Variants in JARID2 observed in about 807,000 individuals in gnomAD.
JARID2 encodes protein Jumonji.
Under a neutral mutation model 125.6 loss-of-function variants are expected in JARID2, and 21 were observed. The ratio of observed to expected loss-of-function variants is 0.17; its 90% CI spans 0.12 to 0.24. The LOEUF (loss-of-function observed/expected upper bound fraction) is 0.24. Ranked by LOEUF, JARID2 falls within the 10% of genes least tolerant of loss-of-function variation. The probability of loss-of-function intolerance (pLI) is 1.00; values close to 1 mark genes in which losing one functional copy is unlikely to be tolerated. For missense variants in JARID2, 1,303 were observed against 1,639.6 expected, an observed-to-expected ratio of 0.79 and a Z score of 3.55; for synonymous variants, 736 against 661.6, an observed-to-expected ratio of 1.11 and a Z score of -1.73.
rs969730572 is a variant in JARID2, at chr6:15,520,910, G to A, written c.*659G>A. 1.4e-5 allele frequency: 6 copies of A among 441,766 alleles called. No individual in the cohort carries two copies. The highest frequency in any genetic ancestry group is 2.8e-5 in the Non-Finnish European group (6 of 216,798). The allele number at this position is 441,766 out of a possible 1,614,324, so 27.4% of individuals were successfully genotyped here. A position where few individuals can be genotyped will look rare whatever the true frequency, so the allele number is the denominator to read the frequency against. ...AGCACATCACTATGCATCTGTTCCA[G>A]GAAAGAAGAAAAGCGAGCGAGGAAG... is the stretch of plus-strand genomic sequence containing the variant. On this transcript the variant is annotated 3_prime_UTR_variant, in exon 18 of 18. Coordinates refer to ENST00000341776, the MANE Select transcript of JARID2 (RefSeq NM_004973.4).
At chr6:15,419,519 C>T (rs1349288229) in intron 3 of JARID2, among the ~76,000 whole-genome samples, 1 of 152,118 alleles carries the variant, frequency 6.6e-6, no homozygotes, top group Non-Finnish European at 1.5e-5. Flanking sequence ...ATTAGGTCTG[C>T]TGTTGATCAT....
At chr6:15,449,483 C>A (rs898151220) in intron 3 of JARID2, among the ~76,000 whole-genome samples, 12 of 143,358 alleles carry the variant, frequency 8.4e-5, no homozygotes, top group South Asian at 4.5e-4. Context: ...CTGTCTTTAT[C>A]AAAAAAAAAA....
At chr6:15,407,285 C>A (rs958732518) in intron 2 of JARID2, among the ~76,000 whole-genome samples, 1 of 152,002 alleles carries the variant, frequency 6.6e-6, no homozygotes, top group Non-Finnish European at 1.5e-5. Flanking sequence ...CCCCAAAAAA[C>A]AAGTCCCCAG....
intron 1 of JARID2, among the ~76,000 whole-genome samples, chr6:15,285,395 G>C (rs1165264783): frequency 6.6e-6 from 1 of 152,108 alleles, no homozygotes; most frequent in African/African-American, 2.4e-5. Context: ...AAAGTGCTGG[G>C]ATTACAGGCG....
chr6:15,386,466 C>T (rs1419336214), intron 2 of JARID2, among the ~76,000 whole-genome samples: 2 of 152,202 alleles, frequency 1.3e-5, no homozygotes, highest in African/African-American at 4.8e-5. Flanking sequence ...GTTCCTCCTT[C>T]TCCCTTCAGT....
chr6:15,334,246 T>C (rs1380152557), intron 1 of JARID2, among the ~76,000 whole-genome samples: 2 of 152,194 alleles, frequency 1.3e-5, no homozygotes, highest in African/African-American at 4.8e-5. Flanking sequence ...GCATTGTCAG[T>C]GTGCTGCATA....
intron 1 of JARID2, among the ~76,000 whole-genome samples, chr6:15,334,221 C>A (rs1762807052): frequency 6.6e-6 from 1 of 152,092 alleles, no homozygotes; most frequent in South Asian, 2.1e-4. Flanking sequence ...ATTAACAGAT[C>A]ATGTCTCCAA....
chr6:15,275,544 C>CCCCCCCCG (rs1554118142), intron 1 of JARID2, among the ~76,000 whole-genome samples: 1 of 94,608 alleles, frequency 1.1e-5, no homozygotes, highest in Non-Finnish European at 2.3e-5. Flanking sequence ...CCCCCCCCCC[C>CCCCCCCCG]GTCTTTTGCC....
At chr6:15,247,129 T>G in intron 1 of JARID2, among the ~76,000 whole-genome samples, 1 of 152,194 alleles carries the variant, frequency 6.6e-6, no homozygotes, top group Non-Finnish European at 1.5e-5. Flanking sequence ...TTGGGAATCA[T>G]GTTACAGCGA....
chr6:15,314,728 C>T (rs1762124716), intron 1 of JARID2, among the ~76,000 whole-genome samples: 1 of 152,142 alleles, frequency 6.6e-6, no homozygotes. Context: ...CAGAGGTAGA[C>T]ACTGTAGGTT....
chr6:15,490,156 T>A (rs540978445), intron 6 of JARID2, among the ~76,000 whole-genome samples: 1 of 152,156 alleles, frequency 6.6e-6, no homozygotes, highest in Non-Finnish European at 1.5e-5. Context: ...CCCTTGTGAC[T>A]GCTTGATACA....
chr6:15,265,704 A>G (rs1760058915), intron 1 of JARID2, among the ~76,000 whole-genome samples: 1 of 152,160 alleles, frequency 6.6e-6, no homozygotes, highest in East Asian at 1.9e-4. Flanking sequence ...CTGTCTTAAC[A>G]GTGTAAGGTG....
intron 1 of JARID2, among the ~76,000 whole-genome samples, chr6:15,332,008 G>A (rs1024149561): frequency 6.6e-6 from 1 of 152,148 alleles, no homozygotes; most frequent in African/African-American, 2.4e-5. Flanking sequence ...TGCTAAGCCA[G>A]TCCATTAGAA....
intron 5 of JARID2, among the ~76,000 whole-genome samples, chr6:15,472,677 G>A (rs994413554): frequency 6.6e-6 from 1 of 152,172 alleles, no homozygotes; most frequent in African/African-American, 2.4e-5. Context: ...TGGGGGGATT[G>A]TTGCAGGCCC....
At chr6:15,457,873 ATTTGT>A (rs1380702704) in intron 4 of JARID2, among the ~76,000 whole-genome samples, 1 of 152,180 alleles carries the variant, frequency 6.6e-6, no homozygotes, top group Non-Finnish European at 1.5e-5. Context: ...TCTAAAACAA[ATTTGT>A]TTTAAGACAC....
intron 6 of JARID2, among the ~76,000 whole-genome samples, chr6:15,492,833 C>G (rs758007526): frequency 7.2e-5 from 11 of 152,082 alleles, no homozygotes; most frequent in Admixed American, 2.6e-4. Flanking sequence ...TGGGTGAGAT[C>G]CATCTAGTCT....
At chr6:15,451,493 A>G (rs1220299218) in intron 3 of JARID2, among the ~76,000 whole-genome samples, 2 of 152,210 alleles carry the variant, frequency 1.3e-5, no homozygotes, top group African/African-American at 4.8e-5. Context: ...GGCCGAATTT[A>G]GAAGTGGCGA....
intron 1 of JARID2, among the ~76,000 whole-genome samples, chr6:15,278,867 G>T (rs753956996): frequency 1.7e-4 from 26 of 152,124 alleles, no homozygotes; most frequent in Non-Finnish European, 3.1e-4. Flanking sequence ...TCAGGCGTTC[G>T]AGATTAGCCT....
In JARID2 at chr6:15,340,743, C is replaced by T. The variant is rs528310659; in HGVS notation, c.46-33374C>T. ...GATCTTTATTTCAATCCTACTTGGTCGTTTGCTGGTCAGAAATGTGTCTCG... is the reference window on the plus strand; with the variant it reads ...GATCTTTATTTCAATCCTACTTGGTTGTTTGCTGGTCAGAAATGTGTCTCG... On this transcript the variant is annotated intron_variant, in intron 1 of 17. Transcript: ENST00000341776. 4.6e-5 allele frequency among the ~76,000 whole-genome samples: 7 copies of T among 152,180 alleles called. No individual in the cohort carries two copies. The South Asian group carries it at 1.2e-3, about 27-fold the overall frequency.
Sources: gnomAD v4.1 joint callset for allele counts (sites outside exome capture counted in the v4.1 genomes callset) on GRCh38, gnomAD v4.1.1 for gene constraint, MANE v1.5 for transcripts, NCBI Gene and HGNC (gene_info 2026-07-23, HGNC 2026-07-21) for gene names.